FRMD3: variants seen among roughly 807,000 people sequenced by gnomAD.
FRMD3 encodes FERM domain containing 3, also known as FERM domain-containing protein 3.
A neutral mutation model predicts 70.2 loss-of-function variants in FRMD3; 33 were observed. The observed-to-expected ratio is 0.47, with a 90% CI of 0.36 to 0.63. The LOEUF (loss-of-function observed/expected upper bound fraction) is 0.63. Ranked by LOEUF, FRMD3 falls within the 20% of genes least tolerant of loss-of-function variation. The pLI is 0.00. For missense variants in FRMD3, 632 were observed against 711.4 expected, an observed-to-expected ratio of 0.89 and a Z score of 1.27; for synonymous variants, 279 against 255.9, an observed-to-expected ratio of 1.09 and a Z score of -0.86.
intron 10 of FRMD3, among the ~76,000 whole-genome samples, chr9:83,301,606 C>T (rs896339423): frequency 2.6e-5 from 4 of 152,118 alleles, no homozygotes; most frequent in East Asian, 1.9e-4. Context: ...AGAAGCGACA[C>T]GTGAAGCCGG....
chr9:83,512,624 A>C (rs7043959), intron 1 of FRMD3, among the ~76,000 whole-genome samples: 1 of 152,004 alleles, frequency 6.6e-6, no homozygotes, highest in Non-Finnish European at 1.5e-5. Context: ...TGCATGTCAC[A>C]CTCATGTACC....
chr9:83,340,301 G>A (rs1343809632), intron 5 of FRMD3, among the ~76,000 whole-genome samples: 1 of 152,186 alleles, frequency 6.6e-6, no homozygotes, highest in African/African-American at 2.4e-5. Flanking sequence ...CAGGAAGAGT[G>A]CTGTGAAAAA....
At chr9:83,370,160 C>G (rs1276168426) in intron 3 of FRMD3, among the ~76,000 whole-genome samples, 1 of 152,106 alleles carries the variant, frequency 6.6e-6, no homozygotes, top group African/African-American at 2.4e-5. Context: ...AAAGGTGATA[C>G]GAGCATAAAA....
chr9:83,378,534 A>G (rs1348402802), intron 2 of FRMD3, among the ~76,000 whole-genome samples: 18 of 129,790 alleles, frequency 1.4e-4, no homozygotes, highest in African/African-American at 4.9e-4. Context: ...AAATTTATAT[A>G]TATAATATAC....
At chr9:83,554,050 C>A in the FRMD3 span, among the ~76,000 whole-genome samples, 56 of 152,268 alleles carry the variant, frequency 3.7e-4, no homozygotes, top group African/African-American at 1.3e-3. Context: ...AATGTTTTCA[C>A]TGGGCCAAGG....
chr9:83,502,488 C>A (rs1829092961), intron 1 of FRMD3, among the ~76,000 whole-genome samples: 1 of 152,142 alleles, frequency 6.6e-6, no homozygotes, highest in Admixed American at 6.5e-5. Context: ...TAAATAGGTA[C>A]ACTGTGCGAA....
At chr9:83,571,878 C>T in the FRMD3 span, among the ~76,000 whole-genome samples, 1 of 152,174 alleles carries the variant, frequency 6.6e-6, no homozygotes, top group Non-Finnish European at 1.5e-5. Context: ...TTGGAGTCAA[C>T]AACTATACGT....
chr9:83,270,568 C>T (rs1455148369), intron 13 of FRMD3, among the ~76,000 whole-genome samples: 5 of 152,168 alleles, frequency 3.3e-5, no homozygotes, highest in Admixed American at 6.5e-5. Context: ...CTCCTATGAA[C>T]CAGAACTTAT....
chr9:83,526,394 C>T (rs897976231), intron 1 of FRMD3, among the ~76,000 whole-genome samples: 14 of 152,228 alleles, frequency 9.2e-5, no homozygotes, highest in African/African-American at 3.4e-4. Context: ...GAACTCATCC[C>T]AGATTCTCCT....
At chr9:83,511,476 T>C (rs1829337759) in intron 1 of FRMD3, among the ~76,000 whole-genome samples, 1 of 152,086 alleles carries the variant, frequency 6.6e-6, no homozygotes, top group South Asian at 2.1e-4. Flanking sequence ...AGCCAGAGTG[T>C]TGAAAATGGC....
intron 12 of FRMD3, among the ~76,000 whole-genome samples, chr9:83,292,319 C>G (rs1834457467): frequency 6.6e-6 from 1 of 151,852 alleles, no homozygotes; most frequent in Non-Finnish European, 1.5e-5. Context: ...CCACCACACC[C>G]AGCTAAATTT....
chr9:83,345,217 CT>C (rs1257335854), intron 4 of FRMD3, among the ~76,000 whole-genome samples: 3 of 152,162 alleles, frequency 2.0e-5, no homozygotes, highest in African/African-American at 7.2e-5. Flanking sequence ...AAATGACAAT[CT>C]TTGTCCCCAG....
intron 1 of FRMD3, among the ~76,000 whole-genome samples, chr9:83,447,546 A>C (rs1211367892): frequency 6.6e-6 from 1 of 151,260 alleles, no homozygotes; most frequent in Non-Finnish European, 1.5e-5. Context: ...GGCTCAGGTG[A>C]GTTCTGTCAT....
chr9:83,273,493 C>T (rs907685748), intron 13 of FRMD3, among the ~76,000 whole-genome samples: 23 of 151,788 alleles, frequency 1.5e-4, no homozygotes, highest in Admixed American at 3.9e-4. Flanking sequence ...ACAAACACTG[C>T]GGAAGGCCGC....
At chr9:83,552,974 C>T in the FRMD3 span, among the ~76,000 whole-genome samples, 1 of 152,020 alleles carries the variant, frequency 6.6e-6, no homozygotes, top group African/African-American at 2.4e-5. Flanking sequence ...GACAATTAAC[C>T]CATTTACATT....
rs115243996 is a variant in FRMD3 at position 83,379,624 on chromosome 9, T to A, written c.253-6669A>T. The stretch of plus-strand genomic sequence containing the variant: ...GAACCAGTGGATTCACCCCTTAGTA[T>A]GATTTGAAGGTACCAGGAAGGCATC... On this transcript the variant is annotated intron_variant, in intron 2 of 13. Transcript: ENST00000304195. 5.6e-3 allele frequency among the ~76,000 whole-genome samples: 846 copies of A among 152,236 alleles called. 9 individuals are homozygous for A. The highest frequency in any genetic ancestry group is 0.019 in the African/African-American group (799 of 41,544).
chr9:83,438,370 T>C (rs1375691127), intron 1 of FRMD3, among the ~76,000 whole-genome samples: 2 of 152,078 alleles, frequency 1.3e-5, no homozygotes, highest in Non-Finnish European at 2.9e-5. Flanking sequence ...AGTCACAAAC[T>C]CTTTCTTTCT....
chr9:83,393,566 G>A (rs528542249), intron 1 of FRMD3, among the ~76,000 whole-genome samples: 31 of 101,796 alleles, frequency 3.0e-4, no homozygotes, highest in South Asian at 1.9e-3. Context: ...ATGTAGACGC[G>A]GTGGGAGCCC....
chr9:83,246,855 T>C lies in FRMD3; in HGVS notation c.*1063A>G. 1 of 985,420 alleles carries C rather than the reference T, an allele frequency of 1.0e-6. No homozygotes were observed. The highest frequency in any genetic ancestry group is 1.2e-6 in the Non-Finnish European group (1 of 829,930). The allele number at this position is 985,420 out of a possible 1,614,324, so 61.0% of individuals were successfully genotyped here. A position where few individuals can be genotyped will look rare whatever the true frequency, so the allele number is the denominator to read the frequency against. ...CACTGCTCTTCACATCATCGAACGC[T>C]GGCATCACCATCACTTTCATAAAAT... On this transcript the variant is annotated 3_prime_UTR_variant, in exon 14 of 14. Coordinates refer to ENST00000304195, the MANE Select transcript of FRMD3 (RefSeq NM_174938.6).
Sources: allele counts gnomAD v4.1 joint callset (sites outside exome capture counted in the v4.1 genomes callset), GRCh38; gene constraint gnomAD v4.1.1; transcripts MANE v1.5; gene names NCBI Gene and HGNC (gene_info 2026-07-23, HGNC 2026-07-21).